Variants in PPARGC1A observed in about 807,000 individuals in gnomAD.
The protein encoded by PPARGC1A is PPARG coactivator 1 alpha.
Under a neutral mutation model 88.7 loss-of-function variants are expected in PPARGC1A, and 25 were observed. The ratio of observed to expected loss-of-function variants is 0.28; its 90% CI spans 0.21 to 0.39. PPARGC1A has a LOEUF of 0.39. Among genes scored for constraint, PPARGC1A ranks in the 10% least tolerant of loss-of-function variants. The pLI is 1.00. For missense variants in PPARGC1A, 880 were observed against 968.7 expected (o/e 0.91, Z 1.22); for synonymous variants, 363 against 355.6 (o/e 1.02, Z -0.24).
At chr4:24,204,197 T>C in the PPARGC1A span, among the ~76,000 whole-genome samples, 1 of 151,706 alleles carries the variant, frequency 6.6e-6, no homozygotes. Flanking sequence ...CAGTAAAGAG[T>C]TAAGGGGCCT....
intron 1 of PPARGC1A, among the ~76,000 whole-genome samples, chr4:23,888,583 C>T (rs1210490217): frequency 1.3e-5 from 2 of 152,126 alleles, no homozygotes; most frequent in Admixed American, 6.5e-5. Context: ...ATATCTATTC[C>T]GCCTTACCAA....
the PPARGC1A span, among the ~76,000 whole-genome samples, chr4:24,238,338 G>A: frequency 6.6e-6 from 1 of 152,148 alleles, no homozygotes; most frequent in African/African-American, 2.4e-5. Context: ...GCTTTGGTGG[G>A]TTGACTCCTG....
At chr4:24,033,588 A>G in the PPARGC1A span, among the ~76,000 whole-genome samples, 1 of 152,348 alleles carries the variant, frequency 6.6e-6, no homozygotes, top group African/African-American at 2.4e-5. Flanking sequence ...GAATTGAAAG[A>G]ACACATCCTT....
chr4:24,145,162 A>G, the PPARGC1A span, among the ~76,000 whole-genome samples: 3 of 152,002 alleles, frequency 2.0e-5, no homozygotes, highest in South Asian at 4.2e-4. Flanking sequence ...AGCACTTTAC[A>G]TGTATTTACA....
chr4:24,188,506 G>C, the PPARGC1A span, among the ~76,000 whole-genome samples: 2 of 152,118 alleles, frequency 1.3e-5, no homozygotes, highest in African/African-American at 4.8e-5. Context: ...AACAGGGATG[G>C]TCCTGGGGGA....
At chr4:24,390,849 T>A in the PPARGC1A span, among the ~76,000 whole-genome samples, 241 of 152,156 alleles carry the variant, frequency 1.6e-3, no homozygotes, top group African/African-American at 5.6e-3. Flanking sequence ...CTAAGTTTCA[T>A]GACCCCCTGA....
the PPARGC1A span, among the ~76,000 whole-genome samples, chr4:24,328,212 A>T: frequency 6.6e-6 from 1 of 151,462 alleles, no homozygotes; most frequent in African/African-American, 2.4e-5. Context: ...CGCGCATGAA[A>T]CTGAAGGCCA....
At chr4:24,111,531 AT>A in the PPARGC1A span, among the ~76,000 whole-genome samples, 1 of 152,230 alleles carries the variant, frequency 6.6e-6, no homozygotes, top group African/African-American at 2.4e-5. Flanking sequence ...AGCTACAATG[AT>A]TAGACAAAAC....
the PPARGC1A span, among the ~76,000 whole-genome samples, chr4:24,315,207 C>T: frequency 1.3e-5 from 2 of 152,108 alleles, no homozygotes; most frequent in African/African-American, 4.8e-5. Flanking sequence ...ACAATGACAG[C>T]TTCCTGCAAC....
the PPARGC1A span, among the ~76,000 whole-genome samples, chr4:24,230,769 A>G: frequency 6.6e-6 from 1 of 152,122 alleles, no homozygotes; most frequent in Non-Finnish European, 1.5e-5. Flanking sequence ...CTTGAGACAG[A>G]AGTGGTCAGG....
the PPARGC1A span, among the ~76,000 whole-genome samples, chr4:24,019,422 G>A: frequency 2.0e-5 from 3 of 152,082 alleles, no homozygotes; most frequent in African/African-American, 4.8e-5. Context: ...ATTTGTCTTA[G>A]GAAGTACTAT....
chr4:24,224,897 G>A, the PPARGC1A span, among the ~76,000 whole-genome samples: 9 of 152,182 alleles, frequency 5.9e-5, no homozygotes, highest in Non-Finnish European at 1.2e-4. Flanking sequence ...GAAACTACAA[G>A]AGCAAGTCAT....
the PPARGC1A span, among the ~76,000 whole-genome samples, chr4:24,079,948 C>T: frequency 6.6e-6 from 1 of 152,018 alleles, no homozygotes; most frequent in African/African-American, 2.4e-5. Context: ...TTACCATTAA[C>T]TTTATAGCAC....
intron 2 of PPARGC1A, among the ~76,000 whole-genome samples, chr4:23,847,546 T>A (rs150440668): frequency 6.6e-6 from 1 of 152,264 alleles, no homozygotes; most frequent in East Asian, 1.9e-4. Flanking sequence ...AAACAAAGAA[T>A]CACAGATCAC....
chr4:24,130,702 T>C, the PPARGC1A span, among the ~76,000 whole-genome samples: 1 of 152,118 alleles, frequency 6.6e-6, no homozygotes, highest in African/African-American at 2.4e-5. Context: ...GACCTGAACG[T>C]CCTCATCTGC....
the PPARGC1A span, among the ~76,000 whole-genome samples, chr4:24,288,441 T>C: frequency 6.6e-6 from 1 of 152,252 alleles, no homozygotes; most frequent in Middle Eastern, 3.4e-3. Context: ...CCGAAACCAA[T>C]TATCAACTAA....
the PPARGC1A span, among the ~76,000 whole-genome samples, chr4:24,192,085 T>C: frequency 6.6e-6 from 1 of 152,224 alleles, no homozygotes; most frequent in African/African-American, 2.4e-5. Flanking sequence ...TAGCATTTCT[T>C]CCTTATTTTC....
intron 10 of PPARGC1A, among the ~76,000 whole-genome samples, chr4:23,802,990 C>G (rs1282183673): frequency 6.6e-6 from 1 of 151,970 alleles, no homozygotes; most frequent in Non-Finnish European, 1.5e-5. Flanking sequence ...GGAACAATAC[C>G]TATTAAATAT....
At chr4:24,091,377 C>A in the PPARGC1A span, 1 of 917,076 alleles carries the variant, frequency 1.1e-6, no homozygotes, top group South Asian at 5.0e-5. Context: ...TAGCACAGTT[C>A]CACAAATTGA....
Sources: allele counts gnomAD v4.1 joint callset (sites outside exome capture counted in the v4.1 genomes callset), GRCh38; gene constraint gnomAD v4.1.1; transcripts MANE v1.5; gene names NCBI Gene and HGNC (gene_info 2026-07-23, HGNC 2026-07-21).